The following LARGE1 variants were observed in gnomAD, a reference collection of about 807,000 sequenced individuals.
LARGE1 encodes the protein xylosyl- and glucuronyltransferase LARGE1.
LARGE1 carries 43 observed loss-of-function variants against 87.6 expected under a neutral mutation model. The observed-to-expected ratio is 0.49, with a 90% CI of 0.38 to 0.63. The LOEUF is 0.63. Ranked by LOEUF, LARGE1 falls within the 30% of genes least tolerant of loss-of-function variation. The pLI, the probability that LARGE1 is intolerant of heterozygous loss-of-function variation, is 0.00. For missense variants in LARGE1, 802 were observed against 1,000.2 expected (o/e 0.80, Z 2.67); for synonymous variants, 434 against 394.6 (o/e 1.10, Z -1.18).
At chr22:33,445,647 C>A (rs573882567) in intron 6 of LARGE1, among the ~76,000 whole-genome samples, 2 of 135,924 alleles carry the variant, frequency 1.5e-5, no homozygotes, top group South Asian at 2.4e-4. Flanking sequence ...AAGGGGGCCA[C>A]TTTTTTTTTT....
chr22:33,465,562 T>C (rs760839519), intron 6 of LARGE1, among the ~76,000 whole-genome samples: 1 of 152,144 alleles, frequency 6.6e-6, no homozygotes, highest in Non-Finnish European at 1.5e-5. Flanking sequence ...GAGGAAACAA[T>C]AGGCTTTGCA....
chr22:33,885,147 G>C (rs910695293), intron 1 of LARGE1, among the ~76,000 whole-genome samples: 2 of 152,240 alleles, frequency 1.3e-5, no homozygotes, highest in African/African-American at 4.8e-5. Context: ...GCCAGAAAGT[G>C]ACAGCCCTCG....
intron 6 of LARGE1, among the ~76,000 whole-genome samples, chr22:33,465,868 A>G (rs1169172253): frequency 5.9e-5 from 9 of 152,072 alleles, no homozygotes; most frequent in Non-Finnish European, 4.4e-5. Context: ...TATCATGCTA[A>G]CTCCAAAATA....
the LARGE1 span, among the ~76,000 whole-genome samples, chr22:33,134,337 C>A: frequency 6.7e-6 from 1 of 149,786 alleles, no homozygotes. Context: ...CTGCTCACTG[C>A]AAGCTCCGCC....
At chr22:33,447,853 A>C (rs2067748798) in intron 6 of LARGE1, among the ~76,000 whole-genome samples, 1 of 152,060 alleles carries the variant, frequency 6.6e-6, no homozygotes, top group Admixed American at 6.6e-5. Flanking sequence ...CACACTCTGG[A>C]GCTGGTGTGT....
At chr22:33,623,489 T>C (rs1020683149) in intron 4 of LARGE1, among the ~76,000 whole-genome samples, 2 of 152,110 alleles carry the variant, frequency 1.3e-5, no homozygotes, top group South Asian at 2.1e-4. Context: ...TGAACTGTTA[T>C]CTATTTGTTG....
intron 11 of LARGE1, among the ~76,000 whole-genome samples, chr22:33,172,161 C>G (rs1427740167): frequency 6.6e-6 from 1 of 152,238 alleles, no homozygotes; most frequent in Non-Finnish European, 1.5e-5. Context: ...TTTGTTTTGG[C>G]CAATTTCTCC....
intron 2 of LARGE1, among the ~76,000 whole-genome samples, chr22:33,727,925 G>A (rs2083320452): frequency 6.6e-6 from 1 of 152,138 alleles, no homozygotes; most frequent in African/African-American, 2.4e-5. Flanking sequence ...TCAGCAGGGA[G>A]GAGAGGTGAG....
At chr22:33,481,398 GGCC>G (rs925274219) in intron 6 of LARGE1, among the ~76,000 whole-genome samples, 10 of 151,628 alleles carry the variant, frequency 6.6e-5, no homozygotes, top group Non-Finnish European at 1.2e-4. Context: ...CATGTCTGTG[GGCC>G]ATTATTTTTT....
At chr22:33,209,807 G>C (rs904732304) in intron 11 of LARGE1, among the ~76,000 whole-genome samples, 2 of 152,074 alleles carry the variant, frequency 1.3e-5, no homozygotes, top group Non-Finnish European at 2.9e-5. Flanking sequence ...CACCAGGCCA[G>C]CTAATTGTAT....
chr22:33,183,311 A>C (rs1282783328), intron 11 of LARGE1, among the ~76,000 whole-genome samples: 2 of 152,178 alleles, frequency 1.3e-5, no homozygotes, highest in African/African-American at 4.8e-5. Context: ...GGCTATTATC[A>C]ACAAGACAAG....
intron 9 of LARGE1, among the ~76,000 whole-genome samples, chr22:33,355,552 C>T (rs1940811201): frequency 1.3e-5 from 2 of 152,212 alleles, no homozygotes; most frequent in Non-Finnish European, 2.9e-5. Flanking sequence ...TTGTCTCTTG[C>T]TCACCTTGGT....
At chr22:33,104,094 A>AT in the LARGE1 span, among the ~76,000 whole-genome samples, 3 of 152,058 alleles carry the variant, frequency 2.0e-5, no homozygotes, top group African/African-American at 7.2e-5. Flanking sequence ...ACAGAAATGG[A>AT]TTTTTTTCCC....
intron 1 of LARGE1, among the ~76,000 whole-genome samples, chr22:33,846,582 G>A (rs5754717): frequency 0.17 from 26,143 of 152,190 alleles, 2,934 homozygotes; most frequent in East Asian, 0.41. Flanking sequence ...TGAGCCAGGT[G>A]GAACAGAGCC....
chr22:33,636,882 G>A (rs990358721), intron 3 of LARGE1, among the ~76,000 whole-genome samples: 3 of 152,152 alleles, frequency 2.0e-5, no homozygotes, highest in Non-Finnish European at 2.9e-5. Flanking sequence ...CGCGTAAAGG[G>A]ATTAGAGCCT....
At chr22:33,802,889 C>G (rs2086202549) in intron 1 of LARGE1, among the ~76,000 whole-genome samples, 1 of 152,204 alleles carries the variant, frequency 6.6e-6, no homozygotes, top group African/African-American at 2.4e-5. Context: ...ACTTCAGTGC[C>G]TTGAACACAG....
At chr22:33,633,848 G>C (rs925571735) in intron 3 of LARGE1, among the ~76,000 whole-genome samples, 1 of 152,220 alleles carries the variant, frequency 6.6e-6, no homozygotes, top group Non-Finnish European at 1.5e-5. Context: ...GCGAACAGCC[G>C]GGGTCAGACA....
In LARGE1 at chr22:33,304,522, G is replaced by A; in HGVS notation, c.1452-15C>T. ...GCATCTGGAGCCTGGAAGAGACAGG[G>A]AGGGTGAGCCGCGGGACCTGGGCCA... is the stretch of plus-strand genomic sequence containing the variant. On this transcript the variant is annotated splice_polypyrimidine_tract_variant and intron_variant, in intron 11 of 14. Transcript: ENST00000397394. The A allele has an allele frequency of 6.4e-7, 1 of 1,570,004 alleles. No individual in the cohort carries two copies. The highest frequency in any genetic ancestry group is 8.6e-7 in the Non-Finnish European group (1 of 1,158,186).
At chr22:33,522,871 G>A (rs1425866424) in intron 6 of LARGE1, among the ~76,000 whole-genome samples, 1 of 151,832 alleles carries the variant, frequency 6.6e-6, no homozygotes, top group African/African-American at 2.4e-5. Flanking sequence ...AGCCAGGCAT[G>A]GTGACACACA....
Sources: allele counts gnomAD v4.1 joint callset (sites outside exome capture counted in the v4.1 genomes callset), GRCh38; gene constraint gnomAD v4.1.1; transcripts MANE v1.5; gene names NCBI Gene and HGNC (gene_info 2026-07-23, HGNC 2026-07-21).